SMOC2: variants seen among roughly 807,000 people sequenced by gnomAD.
SMOC2 encodes SPARC-related modular calcium-binding protein 2.
A neutral mutation model predicts 61.4 loss-of-function variants in SMOC2; 39 were observed. The observed-to-expected ratio is 0.64, with a 90% CI of 0.49 to 0.83. The LOEUF is 0.83. Ranked by LOEUF, SMOC2 falls within the 40% of genes least tolerant of loss-of-function variation. The pLI, the probability that SMOC2 is intolerant of heterozygous loss-of-function variation, is 0.00. For synonymous variants in SMOC2, 247 were observed against 239.9 expected (o/e 1.03, Z -0.27); for missense variants, 556 against 592.9 (o/e 0.94, Z 0.65).
chr6:168,620,550 A>G (rs1031868312), intron 9 of SMOC2, among the ~76,000 whole-genome samples: 3 of 152,178 alleles, frequency 2.0e-5, no homozygotes, highest in Non-Finnish European at 2.9e-5. Context: ...AATTTTCCCT[A>G]TGTCTAAAAA....
rs189889686 is a variant in SMOC2 at position 168,479,788 on chromosome 6, A to G, written c.85-30127A>G. 1.2e-4 allele frequency among the ~76,000 whole-genome samples: 18 copies of G among 152,296 alleles called. No individual in the cohort carries two copies. The East Asian group carries it at 2.9e-3, about 24-fold the overall frequency. On this transcript the variant is annotated intron_variant, in intron 1 of 12. Transcript: ENST00000356284. ...GGTGCAGACGAAAAGGTGGTGGCTG[A>G]CACTGTTGCATCTTACCCATTGTCC...
At chr6:168,525,845 C>T (rs975682434) in intron 2 of SMOC2, among the ~76,000 whole-genome samples, 12 of 152,304 alleles carry the variant, frequency 7.9e-5, no homozygotes, top group Admixed American at 2.6e-4. Context: ...CCACCGCGTG[C>T]GTCCTGAGAC....
intron 8 of SMOC2, among the ~76,000 whole-genome samples, chr6:168,604,211 G>A (rs533064644): frequency 1.3e-5 from 2 of 152,188 alleles, no homozygotes; most frequent in South Asian, 4.1e-4. Flanking sequence ...GAGGACACAG[G>A]AGCCCATCTC....
At chr6:168,599,995 ACAGT>A (rs1178652518) in intron 8 of SMOC2, among the ~76,000 whole-genome samples, 3 of 151,902 alleles carry the variant, frequency 2.0e-5, no homozygotes, top group Admixed American at 2.0e-4. Flanking sequence ...ACACTCACAC[ACAGT>A]CTGTCCATCA....
At chr6:168,615,172 A>G (rs866045512) in intron 9 of SMOC2, among the ~76,000 whole-genome samples, 4 of 53,876 alleles carry the variant, frequency 7.4e-5, no homozygotes, top group Admixed American at 2.0e-4. Flanking sequence ...CAGCCAGCAC[A>G]GGGCCTCTTC....
chr6:168,495,397 C>T (rs1036062388), intron 1 of SMOC2, among the ~76,000 whole-genome samples: 1 of 152,212 alleles, frequency 6.6e-6, no homozygotes, highest in South Asian at 2.1e-4. Context: ...CGGTGCCCAC[C>T]GCTGGGGTCG....
At chr6:168,508,189 C>T (rs1238397462) in intron 1 of SMOC2, among the ~76,000 whole-genome samples, 1 of 152,204 alleles carries the variant, frequency 6.6e-6, no homozygotes, top group Non-Finnish European at 1.5e-5. Flanking sequence ...CTTTTATTGG[C>T]GTGAAGATTT....
chr6:168,509,354 T>C (rs1490443612), intron 1 of SMOC2, among the ~76,000 whole-genome samples: 1 of 152,218 alleles, frequency 6.6e-6, no homozygotes, highest in Non-Finnish European at 1.5e-5. Flanking sequence ...AAACATTTAT[T>C]CAAAGAACAA....
At chr6:168,496,455 G>A (rs947147005) in intron 1 of SMOC2, among the ~76,000 whole-genome samples, 6 of 152,326 alleles carry the variant, frequency 3.9e-5, no homozygotes, top group African/African-American at 1.2e-4. Flanking sequence ...TAATTTAAAC[G>A]TGAATAGATT....
chr6:168,543,625 G>A lies in SMOC2; in HGVS notation c.464G>A (p.Gly155Asp). 6.2e-7 allele frequency: 1 copy of A among 1,613,426 alleles called. No individual in the cohort carries two copies. Among genetic ancestry groups the A allele is most frequent in the Middle Eastern group, 1.7e-4 (1 of 6,060 alleles). Reference sequence around the variant, plus strand: ...TTCACTCCTTATTTTCCTCTTTTAGGTTCCGTAAATGAAAAGTTACCCCAA... The same window carrying A: ...TTCACTCCTTATTTTCCTCTTTTAGATTCCGTAAATGAAAAGTTACCCCAA... ...AVAHKTPRCPGSVNEKLPQRE... is the reference protein window; with the variant it reads ...AVAHKTPRCPDSVNEKLPQRE... Residue 155 changes from glycine (G) to aspartate (D), a missense_variant and splice_region_variant, in exon 5 of 13, where the codon GGT becomes GAT. Transcript: ENST00000356284.
intron 4 of SMOC2, among the ~76,000 whole-genome samples, chr6:168,529,338 C>T (rs1048004337): frequency 7.2e-5 from 11 of 152,024 alleles, no homozygotes; most frequent in East Asian, 1.9e-4. Context: ...GCCAGGCGTG[C>T]GAGATGAAAA....
chr6:168,663,249 G>A (rs893976371), intron 11 of SMOC2, among the ~76,000 whole-genome samples: 1 of 152,208 alleles, frequency 6.6e-6, no homozygotes, highest in African/African-American at 2.4e-5. Context: ...GAGCAGGAAG[G>A]AGACTTTCCC....
intron 9 of SMOC2, among the ~76,000 whole-genome samples, chr6:168,639,562 T>C (rs1263491201): frequency 1.3e-5 from 2 of 152,244 alleles, no homozygotes; most frequent in Admixed American, 1.3e-4. Flanking sequence ...TATTTTTAAC[T>C]ATAATTTTTC....
intron 1 of SMOC2, among the ~76,000 whole-genome samples, chr6:168,471,919 A>G (rs1049960349): frequency 2.0e-5 from 3 of 152,160 alleles, no homozygotes; most frequent in Non-Finnish European, 2.9e-5. Flanking sequence ...GTTGACTTGT[A>G]TAAGTTCTTT....
rs112483639 is a variant in SMOC2, at chr6:168,572,915, C to T, written c.637+23712C>T. ...GCGTGGTCCCTGAACGCGATGTTCA[C>T]TTCCTCCCCGCATCCCCTGGTGCCG... On this transcript the variant is annotated intron_variant, in intron 7 of 12. Coordinates refer to ENST00000356284, the MANE Select transcript of SMOC2 (RefSeq NM_001166412.2). Among the ~76,000 whole-genome samples, 125 of 57,782 alleles carry T rather than the reference C, an allele frequency of 2.2e-3. 6 individuals carry two copies. The highest frequency in any genetic ancestry group is 2.8e-3 in the South Asian group (4 of 1,432). 37.9% of individuals were successfully genotyped at this position (57,782 alleles called of 152,430 possible).
chr6:168,659,715 T>TGGAGATTATTGGCTG (rs1562410943), intron 11 of SMOC2, among the ~76,000 whole-genome samples: 15 of 149,382 alleles, frequency 1.0e-4, no homozygotes, highest in South Asian at 2.1e-4. Context: ...GGTTGTAGGC[T>TGGAGATTATTGGCTG]GAGTGAGGGT....
chr6:168,519,233 G>A (rs1360344003), intron 2 of SMOC2, among the ~76,000 whole-genome samples: 1 of 150,810 alleles, frequency 6.6e-6, no homozygotes. Context: ...GTGTGTATAC[G>A]TGCATGTTTG....
chr6:168,659,648 G>T (rs1306865622), intron 11 of SMOC2, among the ~76,000 whole-genome samples: 4 of 148,630 alleles, frequency 2.7e-5, no homozygotes, highest in African/African-American at 7.4e-5. Flanking sequence ...TAGGTTGGGT[G>T]AGGGTGGAGG....
chr6:168,521,159 TTTC>T (rs1408676131), intron 2 of SMOC2, among the ~76,000 whole-genome samples: 2 of 152,228 alleles, frequency 1.3e-5, no homozygotes, highest in Non-Finnish European at 2.9e-5. Context: ...TATCTTTTTT[TTTC>T]TTTTGAGACA....
Sources: allele counts gnomAD v4.1 joint callset (sites outside exome capture counted in the v4.1 genomes callset), GRCh38; gene constraint gnomAD v4.1.1; transcripts MANE v1.5; gene names NCBI Gene and HGNC (gene_info 2026-07-23, HGNC 2026-07-21).